POTEB: variants seen among roughly 807,000 people sequenced by gnomAD.
POTEB encodes the protein ANKRD26-like family B, member 1.
At position 21,854,412 on chromosome 15, in the gene POTEB, G is replaced by A. The variant is rs1234554019; in HGVS notation, c.1298+2380C>T. On this transcript the variant is annotated intron_variant, in intron 9 of 10. Transcript: ENST00000439682. The stretch of plus-strand genomic sequence containing the variant: ...GAAAAGCCTGAGGGAGTGAGGTCCT[G>A]AAAGCCAAGTGAAGATGCCGTTAGG... Among the ~76,000 whole-genome samples the A allele has an allele frequency of 3.3e-5, 5 of 149,846 alleles. No homozygotes were observed. The Admixed American group carries it at 3.4e-4, about 10-fold the overall frequency.
chr15:21,854,471 G>C (rs1421461665), intron 9 of POTEB, among the ~76,000 whole-genome samples: 8 of 150,466 alleles, frequency 5.3e-5, no homozygotes, highest in African/African-American at 1.9e-4. Context: ...AAATATTGCT[G>C]ACAGATTAAA....
At chr15:21,854,539 C>T (rs1358003419) in intron 9 of POTEB, among the ~76,000 whole-genome samples, 1 of 150,742 alleles carries the variant, frequency 6.6e-6, no homozygotes, top group Non-Finnish European at 1.5e-5. Context: ...TAGTGATAAT[C>T]TTGAGGAAAA....
At position 21,856,741 on chromosome 15, in the gene POTEB, TTAGTTTGAC is replaced by T; in HGVS notation, c.1298+42_1298+50del. ...TTCATCATGAAAGCCCAAATTAGGA[TTAGTTTGAC>T]AGCATATAGTTATCTCCTATTAAAT... On this transcript the variant is annotated intron_variant, in intron 9 of 10. Transcript: ENST00000439682. 3.6e-6 allele frequency: 2 copies of T among 560,256 alleles called. 1 individual carries two copies. Among genetic ancestry groups the T allele is most frequent in the Non-Finnish European group, 4.3e-6 (2 of 461,810 alleles). 34.7% of individuals were successfully genotyped at this position (560,256 alleles called of 1,614,324 possible).
chr15:21,855,371 G>C (rs1409152643), intron 9 of POTEB, among the ~76,000 whole-genome samples: 6 of 146,756 alleles, frequency 4.1e-5, no homozygotes. Context: ...TCAATTAGCT[G>C]GGTGTGATGT....
chr15:21,849,954 C>CA, intron 9 of POTEB, among the ~76,000 whole-genome samples: 1 of 87,594 alleles, frequency 1.1e-5, no homozygotes, highest in African/African-American at 3.1e-5. Flanking sequence ...AGAAAGGATA[C>CA]AAAAACATAC....
intron 9 of POTEB, among the ~76,000 whole-genome samples, chr15:21,855,155 CA>C (rs1454097331): frequency 1.5e-4 from 22 of 148,230 alleles, no homozygotes; most frequent in African/African-American, 5.1e-4. Flanking sequence ...AGGTGAATAC[CA>C]AAATATATCT....
At chr15:21,855,008 G>A (rs569682217) in intron 9 of POTEB, among the ~76,000 whole-genome samples, 23 of 143,992 alleles carry the variant, frequency 1.6e-4, no homozygotes, top group African/African-American at 4.5e-4. Flanking sequence ...GATGCTCATC[G>A]AATATACAAA....
intron 3 of POTEB, among the ~76,000 whole-genome samples, chr15:21,870,330 G>A (rs1376426883): frequency 1.3e-5 from 1 of 79,292 alleles, no homozygotes; most frequent in Non-Finnish European, 2.8e-5. Context: ...GACCACCAGA[G>A]CTTAGGGACG....
At chr15:21,855,352 T>A (rs1247498556) in intron 9 of POTEB, among the ~76,000 whole-genome samples, 1 of 147,628 alleles carries the variant, frequency 6.8e-6, no homozygotes, top group South Asian at 2.2e-4. Flanking sequence ...CACTTTACAG[T>A]CCATAGAGTC....
At position 21,853,398 on chromosome 15, in the gene POTEB, G is replaced by A. The variant is rs1169608052; in HGVS notation, c.1298+3394C>T. ...TCAGTTTGGCTGAAGCAGAGCAAGG[G>A]AGATAATTAGGAGGAACTTTGACAC... On this transcript the variant is annotated intron_variant, in intron 9 of 10. Transcript: ENST00000439682. Among the ~76,000 whole-genome samples the A allele has an allele frequency of 2.0e-3, 11 of 5,608 alleles. 5 individuals carry two copies. Among genetic ancestry groups the A allele is most frequent in the African/African-American group, 2.1e-3 (11 of 5,310 alleles). The allele number at this position is 5,608 out of a possible 152,430, so 3.7% of individuals were successfully genotyped here.
chr15:21,851,522 T>A, intron 9 of POTEB, among the ~76,000 whole-genome samples: 1 of 123,232 alleles, frequency 8.1e-6, no homozygotes. Flanking sequence ...GAGACTAAAA[T>A]CTCCTACTGG....
intron 9 of POTEB, among the ~76,000 whole-genome samples, chr15:21,854,387 G>T (rs1356212371): frequency 1.3e-5 from 2 of 148,882 alleles, no homozygotes; most frequent in Non-Finnish European, 3.0e-5. Flanking sequence ...AAGGCAGGAG[G>T]AAAAGCCTGA....
In POTEB at chr15:21,854,509, G is replaced by A. The variant is rs890753568; in HGVS notation, c.1298+2283C>T. Among the ~76,000 whole-genome samples, 6 of 150,904 alleles carry A rather than the reference G, an allele frequency of 4.0e-5. No individual in the cohort carries two copies. The South Asian group carries it at 1.3e-3, about 32-fold the overall frequency. Reference sequence around the variant, plus strand: ...AAATGAGGTGGAAGAAAAGTGCCTAGATTTATTACAGAAAAAAATTAGTGA... The same window carrying A: ...AAATGAGGTGGAAGAAAAGTGCCTAAATTTATTACAGAAAAAAATTAGTGA... On this transcript the variant is annotated intron_variant, in intron 9 of 10. Coordinates refer to ENST00000439682, the MANE Select transcript of POTEB (RefSeq NM_001277304.2).
chr15:21,871,404 C>CACACACAAACAA lies in POTEB; in HGVS notation c.699+602_699+603insTTGTTTGTGTGT, dbSNP rs1378742867. Among the ~76,000 whole-genome samples, 10 of 19,282 alleles carry CACACACAAACAA rather than the reference C, an allele frequency of 5.2e-4. 1 individual carries two copies. Among genetic ancestry groups the CACACACAAACAA allele is most frequent in the African/African-American group, 1.3e-3 (10 of 7,858 alleles). 12.6% of individuals were successfully genotyped at this position (19,282 alleles called of 152,430 possible). On this transcript the variant is annotated intron_variant, in intron 3 of 10. Coordinates refer to ENST00000439682, the MANE Select transcript of POTEB (RefSeq NM_001277304.2). Reference sequence around the variant, plus strand: ...ACACACACACACACACACACACACACAAACAAAAACAAAAACAAAAACAAA... The same window carrying CACACACAAACAA: ...ACACACACACACACACACACACACACACACACAAACAAAAACAAAAACAAAAACAAAAACAAA...
intron 9 of POTEB, among the ~76,000 whole-genome samples, chr15:21,855,051 T>TA (rs1889851816): frequency 6.8e-6 from 1 of 146,330 alleles, no homozygotes; most frequent in Non-Finnish European, 1.5e-5. Context: ...TGAATTCTAT[T>TA]AACAGGAATA....
intron 9 of POTEB, among the ~76,000 whole-genome samples, chr15:21,849,911 G>GA (rs1415646192): frequency 3.9e-4 from 34 of 87,004 alleles, no homozygotes; most frequent in African/African-American, 1.0e-3. Flanking sequence ...AGACAACTCA[G>GA]AAAAAAGGCC....
In POTEB at chr15:21,871,404, C is replaced by CAAAA. The variant is rs1555380355; in HGVS notation, c.699+602_699+603insTTTT. Among the ~76,000 whole-genome samples, 16 of 19,266 alleles carry CAAAA rather than the reference C, an allele frequency of 8.3e-4. 7 individuals carry two copies. The highest frequency in any genetic ancestry group is 1.9e-3 in the Non-Finnish European group (16 of 8,282). The allele number at this position is 19,266 out of a possible 152,430, so 12.6% of individuals were successfully genotyped here. On this transcript the variant is annotated intron_variant, in intron 3 of 10. Coordinates refer to ENST00000439682, the MANE Select transcript of POTEB (RefSeq NM_001277304.2). ...ACACACACACACACACACACACACA[C>CAAAA]AAACAAAAACAAAAACAAAAACAAA...
At position 21,871,410 on chromosome 15, in the gene POTEB, A is replaced by C. The variant is rs371368075; in HGVS notation, c.699+597T>G. Reference sequence around the variant, plus strand: ...ACACACACACACACACACACAAACAAAAACAAAAACAAAAACAAAAAAAAA... The same window carrying C: ...ACACACACACACACACACACAAACACAAACAAAAACAAAAACAAAAAAAAA... On this transcript the variant is annotated intron_variant, in intron 3 of 10. Transcript: ENST00000439682. Among the ~76,000 whole-genome samples the C allele has an allele frequency of 4.4e-4, 12 of 27,116 alleles. 1 individual carries two copies. The highest frequency in any genetic ancestry group is 1.0e-3 in the African/African-American group (12 of 11,930). 17.8% of individuals were successfully genotyped at this position (27,116 alleles called of 152,430 possible). A position where few individuals can be genotyped will look rare whatever the true frequency, so the allele number is the denominator to read the frequency against.
chr15:21,855,394 G>A (rs1268038177), intron 9 of POTEB, among the ~76,000 whole-genome samples: 1 of 145,510 alleles, frequency 6.9e-6, no homozygotes, highest in East Asian at 2.0e-4. Context: ...CACACTTGGG[G>A]TCCCAGCTAA....
Sources: allele counts gnomAD v4.1 joint callset (sites outside exome capture counted in the v4.1 genomes callset), GRCh38; gene constraint gnomAD v4.1.1; transcripts MANE v1.5; gene names NCBI Gene and HGNC (gene_info 2026-07-23, HGNC 2026-07-21).